The following NACC2 variants were observed in gnomAD, a reference collection of about 807,000 sequenced individuals.
The protein encoded by NACC2 is NACC family member 2.
In NACC2, 8 loss-of-function variants were observed where a neutral mutation model predicts 25.1. That is an observed-to-expected ratio of 0.32 (90% CI 0.19 to 0.57). The LOEUF is 0.57. Among genes scored for constraint, NACC2 ranks in the 20% least tolerant of loss-of-function variants. The pLI is 0.89. For missense variants in NACC2, 644 were observed against 650.2 expected, an observed-to-expected ratio of 0.99 and a Z score of 0.10; for synonymous variants, 435 against 294.7, an observed-to-expected ratio of 1.48 and a Z score of -4.88.
intron 2 of NACC2, among the ~76,000 whole-genome samples, chr9:136,023,849 C>G (rs967669175): frequency 3.9e-5 from 6 of 152,226 alleles, no homozygotes; most frequent in African/African-American, 1.4e-4. Flanking sequence ...AGAAGGACGA[C>G]CAGGACACTA....
intron 2 of NACC2, among the ~76,000 whole-genome samples, chr9:136,031,581 A>G (rs1588563903): frequency 6.6e-6 from 1 of 151,800 alleles, no homozygotes; most frequent in Non-Finnish European, 1.5e-5. Flanking sequence ...CAAGTGATCC[A>G]CCCGCCTCGG....
At chr9:136,081,957 C>CAGAGATCAGGGTGGAGCTGACGCG (rs1830328841) in intron 1 of NACC2, among the ~76,000 whole-genome samples, 1 of 152,164 alleles carries the variant, frequency 6.6e-6, no homozygotes, top group African/African-American at 2.4e-5. Flanking sequence ...CTGCAGAACT[C>CAGAGATCAGGGTGGAGCTGACGCG]AGAGATCAGG....
At position 136,024,327 on chromosome 9, in the gene NACC2, A is replaced by AGT. The variant is rs1249639203; in HGVS notation, c.887-7900_887-7899dup. On this transcript the variant is annotated intron_variant, in intron 2 of 5. Transcript: ENST00000277554. ...GGACAGAGGGTTTGTGTGAGGACAG[A>AGT]GTGTGTGTGTGTGAGGACAGAGTGT... Among the ~76,000 whole-genome samples the AGT allele has an allele frequency of 2.0e-3, 222 of 110,316 alleles. 1 individual carries two copies. The highest frequency in any genetic ancestry group is 7.2e-3 in the African/African-American group (198 of 27,376). The allele number at this position is 110,316 out of a possible 152,430, so 72.4% of individuals were successfully genotyped here. A position where few individuals can be genotyped will look rare whatever the true frequency, so the allele number is the denominator to read the frequency against.
In NACC2 at chr9:136,016,251, G is replaced by A. The variant is rs991488609; in HGVS notation, c.1051+14C>T. On this transcript the variant is annotated intron_variant, in intron 3 of 5. Transcript: ENST00000277554. ...GACATTTGCATACAATAGATGGGTGGGAGGCAGCCTCACCTGCCACCAGCT... is the reference window on the plus strand; with the variant it reads ...GACATTTGCATACAATAGATGGGTGAGAGGCAGCCTCACCTGCCACCAGCT... The A allele has an allele frequency of 8.1e-6, 13 of 1,612,354 alleles. No homozygotes were observed. The highest frequency in any genetic ancestry group is 2.7e-5 in the African/African-American group (2 of 74,890).
At chr9:136,045,063 G>T (rs1294088945) in intron 2 of NACC2, among the ~76,000 whole-genome samples, 1 of 152,258 alleles carries the variant, frequency 6.6e-6, no homozygotes, top group Non-Finnish European at 1.5e-5. Flanking sequence ...GGTCCAGGAT[G>T]TGGGCAGCTG....
chr9:136,011,827 G>GCGGGAA lies in NACC2; in HGVS notation c.1447_1452dup (p.Phe483_Pro484dup). On this transcript the variant is annotated inframe_insertion, in exon 6 of 6. Transcript: ENST00000277554. ...TGCTCGAACACCTGTGCCGCGGCAG[G>GCGGGAA]CGGGAACTCGGGGTCGAGGGGCACG... The GCGGGAA allele has an allele frequency of 1.3e-6, 2 of 1,567,004 alleles. No individual in the cohort carries two copies. The highest frequency in any genetic ancestry group is 1.7e-6 in the Non-Finnish European group (2 of 1,159,062).
intron 2 of NACC2, among the ~76,000 whole-genome samples, chr9:136,045,911 T>G (rs1006189245): frequency 2.6e-5 from 4 of 151,910 alleles, no homozygotes; most frequent in Non-Finnish European, 5.9e-5. Flanking sequence ...CAGCCCCAGC[T>G]GGCGCTGCCC....
At position 136,055,900 on chromosome 9, in the gene NACC2, T is replaced by TG. The variant is rs1272047488; in HGVS notation, c.-59-5321dup. ...GGCGCTCCTGGAGCGTGAGAAGGTG[T>TG]GGGGATGGGGCGGGCCTGCTGTGCC... On this transcript the variant is annotated intron_variant, in intron 1 of 5. Transcript: ENST00000277554. This position sits in a 1 kb window ranked among gnomAD's most constrained non-coding sequence, Gnocchi z 4.9. Among the ~76,000 whole-genome samples, 1 of 151,974 alleles carries TG rather than the reference T, an allele frequency of 6.6e-6. No homozygotes were observed. The highest frequency in any genetic ancestry group is 1.5e-5 in the Non-Finnish European group (1 of 67,992).
At chr9:136,080,916 G>A (rs974268796) in intron 1 of NACC2, among the ~76,000 whole-genome samples, 18 of 152,312 alleles carry the variant, frequency 1.2e-4, no homozygotes, top group African/African-American at 4.3e-4. Context: ...AGCCCCAGCC[G>A]CTCGAGTAGG....
In NACC2 at chr9:136,022,184, A is replaced by G. The variant is rs549157602; in HGVS notation, c.887-5755T>C. On this transcript the variant is annotated intron_variant, in intron 2 of 5. Transcript: ENST00000277554. This position sits in a 1 kb window ranked among gnomAD's most constrained non-coding sequence, Gnocchi z 4.4. ...GTGAACTTGGTGGCATCAGGCGCAG[A>G]GCAGGTGCACAGGGACCCAGGTGGA... 1.3e-5 allele frequency among the ~76,000 whole-genome samples: 2 copies of G among 152,290 alleles called. No individual in the cohort carries two copies. Among genetic ancestry groups the G allele is most frequent in the Admixed American group, 6.5e-5 (1 of 15,306 alleles).
intron 2 of NACC2, among the ~76,000 whole-genome samples, chr9:136,029,344 T>A (rs1840440349): frequency 6.6e-6 from 1 of 152,204 alleles, no homozygotes. Flanking sequence ...AGAGAGGAGC[T>A]ACCCACTCCA....
chr9:136,080,468 A>G (rs955316742), intron 1 of NACC2, among the ~76,000 whole-genome samples: 2 of 152,178 alleles, frequency 1.3e-5, no homozygotes, highest in Non-Finnish European at 2.9e-5. Context: ...GCTACTCGGG[A>G]GGCTGAGACA....
chr9:136,033,698 A>C (rs937295918), intron 2 of NACC2, among the ~76,000 whole-genome samples: 3 of 152,014 alleles, frequency 2.0e-5, no homozygotes, highest in Non-Finnish European at 2.9e-5. Context: ...TTTTTAAAAA[A>C]AGATGTGCAG....
chr9:136,049,898 C>G lies in NACC2; in HGVS notation c.624G>C (p.Ala208=), dbSNP rs1344754505. The G allele has an allele frequency of 8.6e-6, 5 of 584,344 alleles. No individual in the cohort carries two copies. Among genetic ancestry groups the G allele is most frequent in the Non-Finnish European group, 1.5e-5 (5 of 325,238 alleles). 36.2% of individuals were successfully genotyped at this position (584,344 alleles called of 1,614,324 possible). The change falls in exon 2 of 6, where the codon GCG becomes GCC. Residue 208 remains alanine, a synonymous_variant. Transcript: ENST00000277554. ...TGAGAGGGGCTGTGCCCGCCGCCAC[C>G]GCAGCCCCCGCGGCCACCGCCACGC... ...RDGVAVAAGA[A]VAAGTAPLKL...
intron 1 of NACC2, among the ~76,000 whole-genome samples, chr9:136,081,068 G>A (rs10735244): frequency 1 from 151,968 of 152,240 alleles, 75,849 homozygotes; most frequent in Non-Finnish European, 1. Flanking sequence ...CACGGATCAC[G>A]AACGGCTGCG....
intron 1 of NACC2, among the ~76,000 whole-genome samples, chr9:136,065,888 A>G (rs2131174258): frequency 6.6e-6 from 1 of 152,030 alleles, no homozygotes; most frequent in East Asian, 1.9e-4. Flanking sequence ...TGCTTCAAAG[A>G]ATACCATAAA....
chr9:136,070,668 G>GAAAAAAAA (rs34755994), intron 1 of NACC2, among the ~76,000 whole-genome samples: 1 of 135,872 alleles, frequency 7.4e-6, no homozygotes, highest in African/African-American at 2.8e-5. Flanking sequence ...CAAGGAATCA[G>GAAAAAAAA]AAAAAAAAAA....
At chr9:136,028,376 C>CT (rs756007174) in intron 2 of NACC2, among the ~76,000 whole-genome samples, 6,969 of 133,156 alleles carry the variant, frequency 0.052, 599 homozygotes, top group African/African-American at 0.17. Flanking sequence ...CCTTTGCTTC[C>CT]TTTTTTTTTT....
chr9:136,045,893 C>T (rs1306188725), intron 2 of NACC2, among the ~76,000 whole-genome samples: 7 of 152,178 alleles, frequency 4.6e-5, no homozygotes, highest in African/African-American at 1.4e-4. Flanking sequence ...GAGCCCCCAC[C>T]CCAAGCCCAG....
Sources: allele counts gnomAD v4.1 joint callset (sites outside exome capture counted in the v4.1 genomes callset), GRCh38; gene constraint gnomAD v4.1.1; non-coding constraint Gnocchi (gnomAD v3.1); transcripts MANE v1.5; gene names NCBI Gene and HGNC (gene_info 2026-07-23, HGNC 2026-07-21).